Variants in MYOM2 observed in about 807,000 individuals in gnomAD.
MYOM2 encodes the protein myomesin 2.
In MYOM2, 254 loss-of-function variants were observed where a neutral mutation model predicts 187.6. The observed-to-expected ratio is 1.35, with a 90% CI of 1.22 to 1.50. MYOM2 has a LOEUF of 1.50. Among genes scored for constraint, MYOM2 ranks in the 40% most tolerant of loss-of-function variants. MYOM2 has a pLI of 0.00. For synonymous variants in MYOM2, 981 were observed against 753.8 expected (o/e 1.30, Z -4.94); for missense variants, 2,796 against 1,924.0 (o/e 1.45, Z -8.48).
At chr8:2,057,513 G>T (rs1429089447) in intron 4 of MYOM2, 27 bp downstream of exon 4, 1 of 1,613,738 alleles carries the variant, frequency 6.2e-7, no homozygotes, top group South Asian at 1.1e-5. Flanking sequence ...GTGGCTGGGT[G>T]TCTGGGAAGC....
intron 3 of MYOM2, among the ~76,000 whole-genome samples, chr8:2,053,736 C>G (rs1457591657): frequency 1.3e-5 from 2 of 152,164 alleles, no homozygotes; most frequent in Non-Finnish European, 2.9e-5. Flanking sequence ...ACGTTAAATG[C>G]CAGTCTGTCT....
intron 16 of MYOM2, 77 bp downstream of exon 16, chr8:2,092,597 C>T (rs1796346276): frequency 4.8e-6 from 7 of 1,454,718 alleles, no homozygotes; most frequent in Non-Finnish European, 6.5e-6. Context: ...GGCCCTGGCA[C>T]AGGGAGTACC....
intron 6 of MYOM2, among the ~76,000 whole-genome samples, chr8:2,063,948 C>A (rs961189488): frequency 6.6e-6 from 1 of 152,216 alleles, no homozygotes; most frequent in Non-Finnish European, 1.5e-5. Context: ...CACTTGCTTG[C>A]AAGTTCTCAC....
At chr8:2,102,553 A>G in intron 20 of MYOM2, 114 bp from the exon 21 acceptor site, 2 of 579,906 alleles carry the variant, frequency 3.4e-6, no homozygotes, top group South Asian at 5.7e-5. Flanking sequence ...TCATTTTCCT[A>G]ACTGGAAAAA....
At chr8:2,131,048 A>G (rs1797847190) in intron 32 of MYOM2, among the ~76,000 whole-genome samples, 1 of 152,156 alleles carries the variant, frequency 6.6e-6, no homozygotes, top group African/African-American at 2.4e-5. Context: ...CCCCCTCTTC[A>G]GCCTTGTGTG....
chr8:2,100,113 TTTCC>T (rs1400632944), intron 19 of MYOM2, among the ~76,000 whole-genome samples: 1 of 62,670 alleles, frequency 1.6e-5, no homozygotes, highest in Admixed American at 1.8e-4. Flanking sequence ...TCCTTCTTTC[TTTCC>T]TTCCTTCCTT....
At chr8:2,062,178 C>A in intron 6 of MYOM2, among the ~76,000 whole-genome samples, 1 of 152,188 alleles carries the variant, frequency 6.6e-6, no homozygotes, top group East Asian at 1.9e-4. Context: ...ACAGGCATAG[C>A]CAGTGGCCCT....
intron 3 of MYOM2, among the ~76,000 whole-genome samples, chr8:2,053,807 C>T (rs183755515): frequency 6.6e-6 from 1 of 152,306 alleles, no homozygotes; most frequent in Admixed American, 6.5e-5. Flanking sequence ...GTGGAGCCCA[C>T]GGCTCATGCT....
intron 13 of MYOM2, chr8:2,084,914 C>T: frequency 3.8e-6 from 1 of 262,506 alleles, no homozygotes. Context: ...TGAATATGTT[C>T]TCTGCACAGA....
chr8:2,115,758 C>T (rs961474043), intron 25 of MYOM2, among the ~76,000 whole-genome samples: 5 of 152,236 alleles, frequency 3.3e-5, no homozygotes, highest in Non-Finnish European at 7.3e-5. Context: ...CCTCACACAG[C>T]CAGGCTTTGT....
chr8:2,058,574 C>T (rs529888916), intron 5 of MYOM2, among the ~76,000 whole-genome samples: 2 of 152,190 alleles, frequency 1.3e-5, no homozygotes, highest in East Asian at 1.9e-4. Flanking sequence ...TAAAGTTATA[C>T]GTATATATCT....
chr8:2,061,902 T>A (rs1428053874), intron 6 of MYOM2, among the ~76,000 whole-genome samples: 4 of 152,168 alleles, frequency 2.6e-5, no homozygotes, highest in African/African-American at 9.7e-5. Context: ...GGATGCCGCC[T>A]TCCAGGTCCC....
chr8:2,085,279 A>C lies in MYOM2; in HGVS notation c.1533A>C (p.Pro511=), dbSNP rs1328103022. 1.9e-6 allele frequency: 3 copies of C among 1,613,952 alleles called. No individual in the cohort carries two copies. Among genetic ancestry groups the C allele is most frequent in the Non-Finnish European group, 2.5e-6 (3 of 1,179,990 alleles). ...QDDLEGDAQV[P]GPPTGVHASE... is the part of the protein sequence containing the mutation. ...TTCCTCCAGGTGACGCCCAGGTTCC[A>C]GGGCCTCCCACCGGTGTGCACGCTT... Residue 511 remains proline, a synonymous_variant, in exon 14 of 37, where the codon CCA becomes CCC. Coordinates refer to ENST00000262113, the MANE Select transcript of MYOM2 (RefSeq NM_003970.4).
At chr8:2,060,454 TTG>T (rs2129330503) in intron 6 of MYOM2, among the ~76,000 whole-genome samples, 1 of 152,276 alleles carries the variant, frequency 6.6e-6, no homozygotes, top group African/African-American at 2.4e-5. Context: ...GTGTGTGTGC[TTG>T]TGTGTGTAGT....
rs542217959 is a variant in MYOM2 at position 2,096,382 on chromosome 8, A to C, written c.2261A>C (p.His754Pro). 1 of 1,614,228 alleles carries C rather than the reference A, an allele frequency of 6.2e-7. No individual in the cohort carries two copies. Among genetic ancestry groups the C allele is most frequent in the South Asian group, 1.1e-5 (1 of 91,086 alleles). ...GYYLDKREVHHKNWHEVNSSP... is the reference protein window; with the variant it reads ...GYYLDKREVHPKNWHEVNSSP... ...TACCTGGACAAGCGTGAAGTTCACC[A>C]TAAAAACTGGCACGAGGTCAATTCC... is the stretch of plus-strand genomic sequence containing the variant. The change falls in exon 18 of 37, where the codon CAT (histidine) becomes CCT (proline). Residue 754 changes from histidine (H) to proline (P), a missense_variant. By Grantham distance (77) the His-to-Pro change is moderately conservative. Transcript: ENST00000262113.
intron 1 of MYOM2, among the ~76,000 whole-genome samples, chr8:2,046,895 G>A (rs544042637): frequency 6.6e-6 from 1 of 151,966 alleles, no homozygotes; most frequent in Non-Finnish European, 1.5e-5. Context: ...TTTCTTTATA[G>A]TGTCATAAAT....
intron 32 of MYOM2, among the ~76,000 whole-genome samples, chr8:2,136,156 G>C (rs73657764): frequency 5.3e-5 from 8 of 152,102 alleles, no homozygotes; most frequent in African/African-American, 9.7e-5. Context: ...GGGTCAGAAC[G>C]CCAACATGGG....
chr8:2,050,821 T>C lies in MYOM2; in HGVS notation c.55T>C (p.Ser19Pro), dbSNP rs749553170. The C allele has an allele frequency of 5.6e-6, 9 of 1,613,484 alleles. No homozygotes were observed. Among genetic ancestry groups the C allele is most frequent in the Non-Finnish European group, 7.6e-6 (9 of 1,179,532 alleles). ...GAAGAGACATAGGCACTTCGACCAGTCCTACCGTAATATTCAAACACGGTA... is the reference window on the plus strand; with the variant it reads ...GAAGAGACATAGGCACTTCGACCAGCCCTACCGTAATATTCAAACACGGTA... ...YQKRHRHFDQ[S>P]YRNIQTRYLL... The change falls in exon 2 of 37, where the codon TCC becomes CCC. Residue 19 changes from serine (S) to proline (P), a missense_variant. By Grantham distance (74) the Ser-to-Pro change is moderately conservative (BLOSUM62 -1). Transcript: ENST00000262113.
chr8:2,075,217 G>A (rs1819377385), intron 10 of MYOM2, among the ~76,000 whole-genome samples: 1 of 152,174 alleles, frequency 6.6e-6, no homozygotes, highest in African/African-American at 2.4e-5. Flanking sequence ...CTCCCGCCAA[G>A]TTTCACTGCT....
Sources: allele counts gnomAD v4.1 joint callset (sites outside exome capture counted in the v4.1 genomes callset), GRCh38; gene constraint gnomAD v4.1.1; transcripts MANE v1.5; gene names NCBI Gene and HGNC (gene_info 2026-07-23, HGNC 2026-07-21).